The following FRMD5 variants were observed in gnomAD, a reference collection of about 807,000 sequenced individuals.
FRMD5 encodes the protein FERM domain containing 5.
In FRMD5, 20 loss-of-function variants were observed where a neutral mutation model predicts 69.0. The observed-to-expected ratio is 0.29, with a 90% CI of 0.20 to 0.42. The LOEUF is 0.42. Among genes scored for constraint, FRMD5 ranks in the 10% least tolerant of loss-of-function variants. The pLI is 1.00. For synonymous variants in FRMD5, 271 were observed against 260.1 expected, an observed-to-expected ratio of 1.04 and a Z score of -0.40; for missense variants, 595 against 708.6, an observed-to-expected ratio of 0.84 and a Z score of 1.82.
chr15:44,046,200 T>C (rs1482221388), intron 1 of FRMD5, among the ~76,000 whole-genome samples: 1 of 152,132 alleles, frequency 6.6e-6, no homozygotes. Flanking sequence ...CTTTCTTAAA[T>C]ATTCCCCAAA....
chr15:43,985,124 C>T (rs1889328061), intron 1 of FRMD5, among the ~76,000 whole-genome samples: 1 of 150,892 alleles, frequency 6.6e-6, no homozygotes, highest in Non-Finnish European at 1.5e-5. Context: ...ATTAAAAATA[C>T]AAAAAAATTA....
Position 43,872,330 on chromosome 15 carries a change from G to A in FRMD5, c.*1555C>T, listed in dbSNP as rs2088181585. ...GTCAAGTCTACAAGTGACTTGTTCT[G>A]TTCTGCGTTTGGGGCTGTCCAATTA... is the stretch of plus-strand genomic sequence containing the variant. On this transcript the variant is annotated 3_prime_UTR_variant, in exon 14 of 14. Transcript: ENST00000417257. 2 of 152,154 alleles carry A rather than the reference G, an allele frequency of 1.3e-5. No homozygotes were observed. Among genetic ancestry groups the A allele is most frequent in the South Asian group, 2.1e-4 (1 of 4,818 alleles). 9.4% of individuals were successfully genotyped at this position (152,154 alleles called of 1,614,324 possible).
At chr15:44,122,921 C>G (rs1391577838) in intron 1 of FRMD5, among the ~76,000 whole-genome samples, 2 of 151,854 alleles carry the variant, frequency 1.3e-5, no homozygotes, top group Non-Finnish European at 2.9e-5. Context: ...GATAAAACCT[C>G]TAATTTAATA....
chr15:44,087,393 G>C (rs1212350959), intron 1 of FRMD5, among the ~76,000 whole-genome samples: 1 of 152,158 alleles, frequency 6.6e-6, no homozygotes, highest in Non-Finnish European at 1.5e-5. Flanking sequence ...ATAAACTTAA[G>C]AGTAATGCAG....
intron 1 of FRMD5, among the ~76,000 whole-genome samples, chr15:43,951,571 A>G (rs2090029604): frequency 6.6e-6 from 1 of 152,242 alleles, no homozygotes; most frequent in African/African-American, 2.4e-5. Flanking sequence ...CAAACAGATT[A>G]TGCTCTGGAT....
chr15:43,935,600 CAGGCTTTGCAGTGTGAT>C (rs1325188453), intron 1 of FRMD5, among the ~76,000 whole-genome samples: 1 of 152,106 alleles, frequency 6.6e-6, no homozygotes, highest in Admixed American at 6.5e-5. Flanking sequence ...AACCATGGTC[CAGGCTTTGCAGTGTGAT>C]AGAGAGAGCA....
intron 1 of FRMD5, among the ~76,000 whole-genome samples, chr15:44,190,861 A>T (rs1382935138): frequency 3.9e-5 from 6 of 152,218 alleles, no homozygotes; most frequent in African/African-American, 1.4e-4. Flanking sequence ...TAGATGTGAT[A>T]ATTCTTAGGG....
chr15:43,967,483 G>A (rs1177990456), intron 1 of FRMD5, among the ~76,000 whole-genome samples: 6 of 151,976 alleles, frequency 3.9e-5, no homozygotes, highest in African/African-American at 9.6e-5. Context: ...TGCCCACCTC[G>A]ACCTCCCAAA....
At chr15:44,137,013 TAATATTTTA>T (rs1005937832) in intron 1 of FRMD5, among the ~76,000 whole-genome samples, 4 of 152,204 alleles carry the variant, frequency 2.6e-5, no homozygotes, top group African/African-American at 9.6e-5. Flanking sequence ...AAAAAACCTC[TAATATTTTA>T]AACAGGATCA....
chr15:43,912,447 C>T (rs575867487), intron 4 of FRMD5, among the ~76,000 whole-genome samples: 1 of 152,214 alleles, frequency 6.6e-6, no homozygotes, highest in Non-Finnish European at 1.5e-5. Context: ...ACTGTTCCAA[C>T]TCCCACCTTC....
intron 1 of FRMD5, among the ~76,000 whole-genome samples, chr15:44,148,076 C>G (rs1385546715): frequency 6.6e-6 from 1 of 152,220 alleles, no homozygotes; most frequent in African/African-American, 2.4e-5. Context: ...TCTTCACCAG[C>G]TGAAGTGACT....
At chr15:44,032,833 T>A (rs931352581) in intron 1 of FRMD5, among the ~76,000 whole-genome samples, 1 of 152,154 alleles carries the variant, frequency 6.6e-6, no homozygotes, top group African/African-American at 2.4e-5. Context: ...AGAGCTACCA[T>A]TGGACCCAGC....
intron 1 of FRMD5, among the ~76,000 whole-genome samples, chr15:43,979,726 T>C (rs867594482): frequency 6.6e-6 from 1 of 152,258 alleles, no homozygotes. Context: ...AATATTTTTA[T>C]ATATTTTCTG....
chr15:44,153,428 C>T (rs1450973220), intron 1 of FRMD5, among the ~76,000 whole-genome samples: 1 of 152,048 alleles, frequency 6.6e-6, no homozygotes, highest in Non-Finnish European at 1.5e-5. Flanking sequence ...CATAAATAAA[C>T]CTTGAAAAAA....
chr15:43,922,654 A>T (rs1469622353), intron 2 of FRMD5, among the ~76,000 whole-genome samples: 1 of 150,826 alleles, frequency 6.6e-6, no homozygotes, highest in Admixed American at 6.6e-5. Flanking sequence ...GAGATCTTGG[A>T]GTAACTGGCC....
intron 1 of FRMD5, among the ~76,000 whole-genome samples, chr15:43,993,428 C>T (rs913478968): frequency 1.1e-4 from 17 of 152,070 alleles, no homozygotes; most frequent in Admixed American, 8.5e-4. Flanking sequence ...CTCTTGACCT[C>T]GTGATCCGCC....
At position 43,873,343 on chromosome 15, in the gene FRMD5, A is replaced by ACTTTT; in HGVS notation, c.*541_*542insAAAAG. On this transcript the variant is annotated 3_prime_UTR_variant, in exon 14 of 14. Coordinates refer to ENST00000417257, the MANE Select transcript of FRMD5 (RefSeq NM_032892.5). ...TTTTTTAAAAGTTCTGGCTGGCAAA[A>ACTTTT]AAAACAAACAAAAAACTAAACAGTC... The ACTTTT allele has an allele frequency of 6.8e-7, 1 of 1,476,636 alleles. No individual in the cohort carries two copies. The highest frequency in any genetic ancestry group is 8.9e-7 in the Non-Finnish European group (1 of 1,121,334). 91.5% of individuals were successfully genotyped at this position (1,476,636 alleles called of 1,614,324 possible). A position where few individuals can be genotyped will look rare whatever the true frequency, so the allele number is the denominator to read the frequency against.
At chr15:44,022,007 CATT>C (rs1344156806) in intron 1 of FRMD5, among the ~76,000 whole-genome samples, 1 of 152,040 alleles carries the variant, frequency 6.6e-6, no homozygotes, top group African/African-American at 2.4e-5. Context: ...ACCTTGAAAA[CATT>C]ATGCTAAGTG....
rs183698866 is a variant in FRMD5, at chr15:44,134,677, C to G, written c.102+60276G>C. ...GTTGGCCAGGCTGGTCTTGTACTCC[C>G]GACCTCAAATGATCCACCCTCCTCG... On this transcript the variant is annotated intron_variant, in intron 1 of 13. Transcript: ENST00000417257. Among the ~76,000 whole-genome samples the G allele has an allele frequency of 7.2e-5, 11 of 152,262 alleles. No homozygotes were observed. The East Asian group carries it at 2.1e-3, about 29-fold the overall frequency.
Sources: gnomAD v4.1 joint callset for allele counts (sites outside exome capture counted in the v4.1 genomes callset) on GRCh38, gnomAD v4.1.1 for gene constraint, MANE v1.5 for transcripts, NCBI Gene and HGNC (gene_info 2026-07-23, HGNC 2026-07-21) for gene names.